The following ZNF107 variants were observed in gnomAD, a reference collection of about 807,000 sequenced individuals.
ZNF107 encodes the protein zinc finger protein 107, also known as C2H2 type zinc-finger protein.
A neutral mutation model predicts 12.3 loss-of-function variants in ZNF107; 19 were observed. That is an observed-to-expected ratio of 1.55 (90% CI 1.08 to 2.27). The LOEUF is 2.27. Among genes scored for constraint, ZNF107 ranks in the 30% most tolerant of loss-of-function variants. ZNF107 has a pLI of 0.00. For synonymous variants in ZNF107, 317 were observed against 330.5 expected, an observed-to-expected ratio of 0.96 and a Z score of 0.44; for missense variants, 958 against 979.9, an observed-to-expected ratio of 0.98 and a Z score of 0.30.
chr7:64,680,402 G>A (rs190259018), intron 1 of ZNF107, among the ~76,000 whole-genome samples: 1 of 152,280 alleles, frequency 6.6e-6, no homozygotes, highest in African/African-American at 2.4e-5. Context: ...TTGGGCCCTA[G>A]CTCAGTCCTA....
At chr7:64,673,987 C>G (rs1006110847) in intron 1 of ZNF107, among the ~76,000 whole-genome samples, 1 of 151,976 alleles carries the variant, frequency 6.6e-6, no homozygotes, top group African/African-American at 2.4e-5. Context: ...TTACCACTAC[C>G]ATGCTTCTTT....
chr7:64,702,536 A>G (rs1790509301), intron 3 of ZNF107, among the ~76,000 whole-genome samples: 1 of 152,108 alleles, frequency 6.6e-6, no homozygotes, highest in Admixed American at 6.6e-5. Context: ...TGTATTTGTT[A>G]ACAGATTAAT....
intron 1 of ZNF107, chr7:64,687,387 C>T (rs1243088403): frequency 1.0e-6 from 1 of 985,302 alleles, no homozygotes; most frequent in Admixed American, 6.1e-5. Context: ...TGCAGGCTCT[C>T]CTCCTGCAAC....
At position 64,708,043 on chromosome 7, in the gene ZNF107, A is replaced by G. The variant is rs1202674872; in HGVS notation, c.1946A>G (p.Tyr649Cys). The G allele has an allele frequency of 6.2e-7, 1 of 1,613,518 alleles. No individual in the cohort carries two copies. The highest frequency in any genetic ancestry group is 8.5e-7 in the Non-Finnish European group (1 of 1,179,736). ...QKIIHTGENL[Y>C]KFEEHGKAFN... ...ATAATTCATACTGGAGAGAACCTCT[A>G]CAAATTTGAAGAACATGGAAAAGCT... is the stretch of plus-strand genomic sequence containing the variant. Residue 649 changes from tyrosine to cysteine, a missense_variant, in exon 4 of 4, where the codon TAC becomes TGC. By Grantham distance (194) the Tyr-to-Cys change is radical (BLOSUM62 -2). Transcript: ENST00000620827.
rs1185742400 is a variant in ZNF107, at chr7:64,706,331, TTTTCA to T, written c.238_242del (p.His80CysfsTer26). 6.5e-7 allele frequency: 1 copy of T among 1,537,948 alleles called. No individual in the cohort carries two copies. Among genetic ancestry groups the T allele is most frequent in the Non-Finnish European group, 8.7e-7 (1 of 1,143,470 alleles). On this transcript the variant is annotated frameshift_variant, in exon 4 of 4. Transcript: ENST00000620827. LOFTEE classifies it low-confidence loss of function (END_TRUNC). Reference sequence around the variant, plus strand: ...TATTTTTATTTCTTTCAGTAATGTCTTTTCATTTTGCCCAAGACCTTTGGCCAGAG... The same window carrying T: ...TATTTTTATTTCTTTCAGTAATGTCTTTTTGCCCAAGACCTTTGGCCAGAG...
At position 64,706,625 on chromosome 7, in the gene ZNF107, A is replaced by G. The variant is rs1302701533; in HGVS notation, c.528A>G (p.Lys176=). The G allele has an allele frequency of 6.2e-7, 1 of 1,613,488 alleles. No homozygotes were observed. The highest frequency in any genetic ancestry group is 8.5e-7 in the Non-Finnish European group (1 of 1,179,640). The part of the protein sequence containing the change: ...RHTGNKHFKC[K]ECSKSFCVLS... ...CAGGAAACAAACACTTCAAATGTAA[A>G]GAATGTAGCAAATCATTTTGCGTGC... The change falls in exon 4 of 4, where the codon AAA becomes AAG. Residue 176 remains lysine, a synonymous_variant. Coordinates refer to ENST00000620827, the MANE Select transcript of ZNF107 (RefSeq NM_001282359.2).
chr7:64,667,718 C>T (rs1450636655), intron 1 of ZNF107, among the ~76,000 whole-genome samples: 1 of 152,126 alleles, frequency 6.6e-6, no homozygotes, highest in Non-Finnish European at 1.5e-5. Context: ...TGTAGCCTCT[C>T]AAGGGAGCAG....
At chr7:64,689,855 C>G (rs1391012287) in intron 1 of ZNF107, 1 of 152,198 alleles carries the variant, frequency 6.6e-6, no homozygotes, top group Non-Finnish European at 1.5e-5. Context: ...GTTTGCTCCT[C>G]CCCTCATACA....
intron 1 of ZNF107, among the ~76,000 whole-genome samples, chr7:64,677,093 C>T (rs78328633): frequency 0.053 from 8,014 of 152,142 alleles, 287 homozygotes; most frequent in East Asian, 0.15. Flanking sequence ...GTCTCCAGGG[C>T]ACACCTCCTT....
intron 1 of ZNF107, among the ~76,000 whole-genome samples, chr7:64,671,199 T>G (rs1248263698): frequency 6.6e-6 from 1 of 152,082 alleles, no homozygotes; most frequent in Non-Finnish European, 1.5e-5. Flanking sequence ...CCAGGTCTCC[T>G]TCCATGGTGA....
intron 1 of ZNF107, among the ~76,000 whole-genome samples, chr7:64,676,009 G>A (rs1282074301): frequency 1.3e-5 from 2 of 152,034 alleles, no homozygotes; most frequent in African/African-American, 2.4e-5. Flanking sequence ...GCACCACCAC[G>A]CCCGGCTAAT....
At chr7:64,680,139 C>A (rs572420109) in intron 1 of ZNF107, among the ~76,000 whole-genome samples, 1 of 152,248 alleles carries the variant, frequency 6.6e-6, no homozygotes, top group South Asian at 2.1e-4. Flanking sequence ...TTTGGTCCCA[C>A]TTCTAATCCC....
Position 64,707,582 on chromosome 7 carries a change from C to T in ZNF107, c.1485C>T (p.Thr495=), listed in dbSNP as rs1484602394. The T allele has an allele frequency of 6.2e-7, 1 of 1,610,004 alleles. No individual in the cohort carries two copies. Among genetic ancestry groups the T allele is most frequent in the African/African-American group, 1.3e-5 (1 of 74,138 alleles). Residue 495 remains threonine, a synonymous_variant, in exon 4 of 4, where the codon ACC becomes ACT. Transcript: ENST00000620827. ...ECGKAFNRSS[T]LTRHKKIHTG... ...GAAAAGCTTTTAATCGATCCTCAAC[C>T]CTTACTAGACATAAGAAAATTCATA...
At chr7:64,700,443 A>T (rs1790436584) in intron 3 of ZNF107, among the ~76,000 whole-genome samples, 1 of 150,222 alleles carries the variant, frequency 6.7e-6, no homozygotes, top group African/African-American at 2.4e-5. Flanking sequence ...GATCCTCACC[A>T]GAAGCAGATG....
chr7:64,679,130 G>A, intron 1 of ZNF107: 1 of 965,720 alleles, frequency 1.0e-6, no homozygotes, highest in Non-Finnish European at 1.2e-6. Flanking sequence ...TTATTCACTT[G>A]GGTGCGAGCT....
At chr7:64,692,924 A>G (rs1457832936) in intron 3 of ZNF107, among the ~76,000 whole-genome samples, 1 of 152,064 alleles carries the variant, frequency 6.6e-6, no homozygotes, top group Non-Finnish European at 1.5e-5. Flanking sequence ...TTGTATGTGT[A>G]AGAGTATATG....
chr7:64,684,468 A>G, intron 1 of ZNF107: 6 of 603,570 alleles, frequency 9.9e-6, no homozygotes, highest in Non-Finnish European at 1.2e-5. Flanking sequence ...TCTGCTTACA[A>G]GATCCTCCTC....
intron 1 of ZNF107, among the ~76,000 whole-genome samples, chr7:64,671,936 C>T (rs747813441): frequency 5.3e-5 from 8 of 151,900 alleles, no homozygotes; most frequent in Non-Finnish European, 1.0e-4. Context: ...TGCCCGCCAC[C>T]AAGCCCAGCT....
intron 3 of ZNF107, 55 bp from the exon 4 acceptor site, chr7:64,706,269 G>C: frequency 7.0e-7 from 1 of 1,437,562 alleles, no homozygotes; most frequent in Non-Finnish European, 9.3e-7. Flanking sequence ...AGATTTTAAA[G>C]TACATTTATC....
Sources: gnomAD v4.1 joint callset for allele counts (sites outside exome capture counted in the v4.1 genomes callset) on GRCh38, gnomAD v4.1.1 for gene constraint, MANE v1.5 for transcripts, NCBI Gene and HGNC (gene_info 2026-07-23, HGNC 2026-07-21) for gene names.